Variants in DNAH6 observed in about 807,000 individuals in gnomAD.
The protein encoded by DNAH6 is axonemal beta dynein heavy chain 6.
Under a neutral mutation model 491.4 loss-of-function variants are expected in DNAH6, and 340 were observed. That is an observed-to-expected ratio of 0.69 (90% confidence interval 0.63 to 0.76). The LOEUF is 0.76. Ranked by LOEUF, DNAH6 falls within the 30% of genes least tolerant of loss-of-function variation. The probability of loss-of-function intolerance (pLI) is 0.00; values close to 1 mark genes in which losing one functional copy is unlikely to be tolerated. For synonymous variants in DNAH6, 1,603 were observed against 1,686.1 expected (o/e 0.95, Z 1.21); for missense variants, 4,443 against 4,972.2 (o/e 0.89, Z 3.20).
At chr2:84,730,812 T>C (rs887373790) in intron 61 of DNAH6, among the ~76,000 whole-genome samples, 4 of 152,200 alleles carry the variant, frequency 2.6e-5, no homozygotes, top group Non-Finnish European at 5.9e-5. Context: ...GTGATTTGTT[T>C]TACACATTAT....
At chr2:84,732,827 A>G (rs535538251) in intron 61 of DNAH6, among the ~76,000 whole-genome samples, 1 of 152,372 alleles carries the variant, frequency 6.6e-6, no homozygotes, top group South Asian at 2.1e-4. Context: ...ACCTCAGGCA[A>G]ATATTCAGGA....
intron 62 of DNAH6, among the ~76,000 whole-genome samples, chr2:84,741,107 T>A (rs1573663528): frequency 2.0e-5 from 3 of 152,090 alleles, no homozygotes; most frequent in Admixed American, 1.3e-4. Flanking sequence ...CACTCAAGTC[T>A]CAGTCTCATA....
intron 16 of DNAH6, among the ~76,000 whole-genome samples, 178 bp from the exon 17 acceptor site, chr2:84,593,794 G>C (rs930941398): frequency 6.7e-6 from 1 of 149,582 alleles, no homozygotes; most frequent in Admixed American, 6.6e-5. Context: ...AATATATGTG[G>C]GGTTTTGTGG....
intron 11 of DNAH6, among the ~76,000 whole-genome samples, chr2:84,573,257 T>A (rs1042400915): frequency 4.6e-5 from 7 of 152,144 alleles, no homozygotes; most frequent in Admixed American, 1.3e-4. Context: ...TAAAGATGAA[T>A]TTTTTTTATT....
chr2:84,605,593 G>C lies in DNAH6; in HGVS notation c.3174+1G>C. The C allele has an allele frequency of 6.5e-7, 1 of 1,545,798 alleles. No homozygotes were observed. Among genetic ancestry groups the C allele is most frequent in the Non-Finnish European group, 8.8e-7 (1 of 1,142,278 alleles). ...ACTGGGCGGCACAGATGACATACAG[G>C]TGGGTAACTGGGTTATTGAAAACTT... is the stretch of plus-strand genomic sequence containing the variant. On this transcript the variant is annotated splice_donor_variant, in intron 20 of 76. Coordinates refer to ENST00000389394, the MANE Select transcript of DNAH6 (RefSeq NM_001370.2). LOFTEE classifies it high-confidence loss of function.
In DNAH6 at chr2:84,517,964, T is replaced by C. The variant is rs1193294841; in HGVS notation, c.138T>C (p.Ser46=). ...ATGTGACATCCACAGAAAATGAATC[T>C]GATACACAAATCCTAACGTTTAGGC... ...VSYVTSTENE[S]DTQILTFRHI... The change falls in exon 2 of 77, where the codon TCT becomes TCC. Residue 46 remains serine (S), a synonymous_variant. Coordinates refer to ENST00000389394, the MANE Select transcript of DNAH6 (RefSeq NM_001370.2). 2 of 1,551,866 alleles carry C rather than the reference T, an allele frequency of 1.3e-6. No individual in the cohort carries two copies. The highest frequency in any genetic ancestry group is 1.7e-6 in the Non-Finnish European group (2 of 1,147,038).
Position 84,686,187 on chromosome 2 carries a change from C to CA in DNAH6, c.7064-283dup, listed in dbSNP as rs35851483. On this transcript the variant is annotated intron_variant, in intron 43 of 76. Coordinates refer to ENST00000389394, the MANE Select transcript of DNAH6 (RefSeq NM_001370.2). ...CAGGTGACAGTGCAAGACTCCGTCT[C>CA]AAAAAAAAAAAAAAGCCAGGATAAT... is the stretch of plus-strand genomic sequence containing the variant. Among the ~76,000 whole-genome samples, 730 of 120,490 alleles carry CA rather than the reference C, an allele frequency of 6.1e-3. 6 individuals are homozygous for CA. Among genetic ancestry groups the CA allele is most frequent in the Non-Finnish European group, 0.011 (566 of 53,464 alleles). 79.0% of individuals were successfully genotyped at this position (120,490 alleles called of 152,430 possible).
At chr2:84,534,980 A>G (rs563095957) in intron 4 of DNAH6, among the ~76,000 whole-genome samples, 1 of 152,054 alleles carries the variant, frequency 6.6e-6, no homozygotes, top group East Asian at 1.9e-4. Flanking sequence ...TTATCTTGGT[A>G]AAGAGCACTG....
chr2:84,471,833 C>T, the DNAH6 span, among the ~76,000 whole-genome samples: 67 of 152,356 alleles, frequency 4.4e-4, 1 homozygote, highest in South Asian at 0.013. Flanking sequence ...CAGACCCCTT[C>T]TAACAGAAGG....
chr2:84,494,705 A>AT, the DNAH6 span, among the ~76,000 whole-genome samples: 1 of 152,272 alleles, frequency 6.6e-6, no homozygotes, highest in African/African-American at 2.4e-5. Flanking sequence ...AGGCACAGAT[A>AT]TAATGCATTT....
intron 11 of DNAH6, among the ~76,000 whole-genome samples, chr2:84,572,341 T>C (rs1451182913): frequency 6.6e-6 from 1 of 152,232 alleles, no homozygotes; most frequent in Non-Finnish European, 1.5e-5. Context: ...GTAACACTCT[T>C]GTGAATCATA....
At chr2:84,652,782 T>A (rs1432897788) in intron 33 of DNAH6, among the ~76,000 whole-genome samples, 1 of 152,198 alleles carries the variant, frequency 6.6e-6, no homozygotes, top group Non-Finnish European at 1.5e-5. Flanking sequence ...CTGTTTCCTA[T>A]AGAAATAGTC....
upstream of DNAH6, among the ~76,000 whole-genome samples, chr2:84,515,447 A>G (rs1386265424): frequency 1.3e-5 from 2 of 152,088 alleles, no homozygotes; most frequent in African/African-American, 2.4e-5. Context: ...GTGACCTGTA[A>G]TCTCCATTTT....
chr2:84,470,730 G>C, the DNAH6 span, among the ~76,000 whole-genome samples: 3 of 152,126 alleles, frequency 2.0e-5, no homozygotes, highest in African/African-American at 7.2e-5. Context: ...AGCCCAGTAG[G>C]TTTCAGCCTC....
At chr2:84,463,987 C>G in the DNAH6 span, among the ~76,000 whole-genome samples, 1 of 151,780 alleles carries the variant, frequency 6.6e-6, no homozygotes, top group Non-Finnish European at 1.5e-5. Context: ...TTTTTGTGAC[C>G]CCCCATTCTA....
At chr2:84,540,836 A>T (rs1403310812) in intron 4 of DNAH6, among the ~76,000 whole-genome samples, 3 of 152,130 alleles carry the variant, frequency 2.0e-5, no homozygotes, top group African/African-American at 4.8e-5. Flanking sequence ...AAAGCACTAC[A>T]TATATTTTTT....
In DNAH6 at chr2:84,707,610, G is replaced by A. The variant is rs1445352075; in HGVS notation, c.8942G>A (p.Ser2981Asn). 1.3e-6 allele frequency: 2 copies of A among 1,552,238 alleles called. No individual in the cohort carries two copies. Among genetic ancestry groups the A allele is most frequent in the East Asian group, 2.4e-5 (1 of 40,926 alleles). The part of the protein sequence containing the change: ...LEDEQVRWEE[S>N]IQKFEEEISN... ...GATGAGCAGGTTCGATGGGAAGAAAGCATACAGAAGTTTGAGGAAGAAATA... is the reference window on the plus strand; with the variant it reads ...GATGAGCAGGTTCGATGGGAAGAAAACATACAGAAGTTTGAGGAAGAAATA... Residue 2981 changes from serine to asparagine, a missense_variant, in exon 54 of 77, where the codon AGC becomes AAC. Ser to Asn is a conservative substitution (Grantham distance 46). Transcript: ENST00000389394.
In DNAH6 at chr2:84,547,265, C is replaced by T; in HGVS notation, c.931-3C>T. On this transcript the variant is annotated splice_polypyrimidine_tract_variant and splice_region_variant and intron_variant, in intron 5 of 76. Transcript: ENST00000389394. ...TAAATAATAAATTCCTATTTTCATTCAGCATTTGCGACCAGCTCTTCTTAA... is the reference window on the plus strand; with the variant it reads ...TAAATAATAAATTCCTATTTTCATTTAGCATTTGCGACCAGCTCTTCTTAA... 1 of 1,524,114 alleles carries T rather than the reference C, an allele frequency of 6.6e-7. No individual in the cohort carries two copies. Among genetic ancestry groups the T allele is most frequent in the Non-Finnish European group, 8.8e-7 (1 of 1,134,788 alleles). 94.4% of individuals were successfully genotyped at this position (1,524,114 alleles called of 1,614,324 possible).
chr2:84,763,587 G>A (rs1674791770), intron 64 of DNAH6, among the ~76,000 whole-genome samples: 2 of 152,082 alleles, frequency 1.3e-5, no homozygotes, highest in African/African-American at 4.8e-5. Flanking sequence ...AGCTCTGATG[G>A]GTTCCTTCAT....
Sources: allele counts gnomAD v4.1 joint callset (sites outside exome capture counted in the v4.1 genomes callset), GRCh38; gene constraint gnomAD v4.1.1; transcripts MANE v1.5; gene names NCBI Gene and HGNC (gene_info 2026-07-23, HGNC 2026-07-21).